The following PIP5K1B variants were observed in gnomAD, a reference collection of about 807,000 sequenced individuals.
PIP5K1B encodes the protein phosphatidylinositol-4-phosphate 5-kinase type 1 beta, also known as phosphatidylinositol 4-phosphate 5-kinase type-1 beta.
Under a neutral mutation model 67.0 loss-of-function variants are expected in PIP5K1B, and 42 were observed. The observed-to-expected ratio is 0.63, with a 90% CI of 0.49 to 0.81. The LOEUF (loss-of-function observed/expected upper bound fraction) is 0.81, where lower values mean the gene tolerates loss of function less well. Ranked by LOEUF, PIP5K1B falls within the 30% of genes least tolerant of loss-of-function variation. The pLI is 0.00. For synonymous variants in PIP5K1B, 214 were observed against 231.4 expected (o/e 0.92, Z 0.68); for missense variants, 459 against 646.3 (o/e 0.71, Z 3.14).
At chr9:68,957,644 G>C (rs1828471229) in intron 14 of PIP5K1B, among the ~76,000 whole-genome samples, 1 of 152,188 alleles carries the variant, frequency 6.6e-6, no homozygotes. Context: ...AATGGTAAAA[G>C]ACTGGTGAAA....
At chr9:68,904,173 CA>C (rs1825499711) in intron 8 of PIP5K1B, among the ~76,000 whole-genome samples, 1 of 152,208 alleles carries the variant, frequency 6.6e-6, no homozygotes, top group South Asian at 2.1e-4. Flanking sequence ...TCTCTGACTC[CA>C]AACCCATGTT....
intron 4 of PIP5K1B, among the ~76,000 whole-genome samples, chr9:68,862,771 G>A (rs1042480192): frequency 2.0e-5 from 3 of 151,168 alleles, no homozygotes; most frequent in Non-Finnish European, 4.4e-5. Context: ...CAGCCTGGGC[G>A]ACAGAGTAAG....
intron 14 of PIP5K1B, among the ~76,000 whole-genome samples, chr9:68,960,976 C>A (rs1047652354): frequency 2.0e-5 from 3 of 151,284 alleles, no homozygotes; most frequent in Non-Finnish European, 4.4e-5. Context: ...TTTGGGAGGC[C>A]GAGGCGGGTG....
intron 2 of PIP5K1B, chr9:68,789,760 AC>A (rs1240280648): frequency 4.3e-6 from 1 of 232,914 alleles, no homozygotes; most frequent in Non-Finnish European, 8.4e-6. Context: ...ATCTTTCAAG[AC>A]CAGGCTCAGT....
chr9:68,827,603 G>C (rs924281217), intron 4 of PIP5K1B, among the ~76,000 whole-genome samples: 2 of 152,302 alleles, frequency 1.3e-5, no homozygotes, highest in Non-Finnish European at 2.9e-5. Flanking sequence ...AGTTGTACAG[G>C]GTTGAGGGAG....
chr9:68,928,319 G>T (rs1439686149), intron 12 of PIP5K1B, among the ~76,000 whole-genome samples: 2 of 152,078 alleles, frequency 1.3e-5, no homozygotes, highest in Non-Finnish European at 2.9e-5. Context: ...TAATCAGTTT[G>T]TTAATTTCTG....
intron 11 of PIP5K1B, among the ~76,000 whole-genome samples, chr9:68,920,564 C>T (rs183794328): frequency 1.7e-3 from 254 of 151,784 alleles, no homozygotes; most frequent in African/African-American, 5.9e-3. Context: ...GACAGGATTT[C>T]GCCATGTTGG....
At chr9:68,937,512 G>A (rs1192740072) in intron 13 of PIP5K1B, among the ~76,000 whole-genome samples, 2 of 151,898 alleles carry the variant, frequency 1.3e-5, no homozygotes, top group Non-Finnish European at 2.9e-5. Context: ...TTATTAGTCT[G>A]GCTAGAGGTC....
rs904666930 is a variant in PIP5K1B, at chr9:69,008,297, A to T, written c.1621-150A>T. The T allele has an allele frequency of 6.9e-6, 5 of 726,792 alleles. No homozygotes were observed. The African/African-American group carries it at 6.9e-5, about 10-fold the overall frequency. 45.0% of individuals were successfully genotyped at this position (726,792 alleles called of 1,614,324 possible). A position where few individuals can be genotyped will look rare whatever the true frequency, so the allele number is the denominator to read the frequency against. ...CACCAAAGAAGTATATGCTATGCTG[A>T]TCATTGCAGAAGAATCCCAAACATA... On this transcript the variant is annotated intron_variant, in intron 15 of 15. Transcript: ENST00000265382.
At chr9:68,917,030 A>G (rs1826136461) in intron 8 of PIP5K1B, among the ~76,000 whole-genome samples, 1 of 152,184 alleles carries the variant, frequency 6.6e-6, no homozygotes. Context: ...CAAACTTACA[A>G]GCTTGTAGAG....
At chr9:68,747,155 T>A (rs1014202519) in intron 2 of PIP5K1B, among the ~76,000 whole-genome samples, 6 of 151,046 alleles carry the variant, frequency 4.0e-5, no homozygotes, top group Non-Finnish European at 1.5e-5. Context: ...CCTTAACAAG[T>A]TTTACTCCGT....
intron 2 of PIP5K1B, among the ~76,000 whole-genome samples, chr9:68,813,660 C>G (rs962863539): frequency 6.6e-6 from 1 of 152,136 alleles, no homozygotes; most frequent in Non-Finnish European, 1.5e-5. Context: ...TGAGGGTGAG[C>G]TCTAACCTAG....
chr9:68,854,677 G>A (rs1033078289), intron 4 of PIP5K1B, among the ~76,000 whole-genome samples: 1 of 152,152 alleles, frequency 6.6e-6, no homozygotes, highest in Non-Finnish European at 1.5e-5. Context: ...GCCTCAAAAT[G>A]TATTTTAAAA....
intron 2 of PIP5K1B, among the ~76,000 whole-genome samples, chr9:68,759,146 A>G (rs941529875): frequency 1.3e-5 from 2 of 152,164 alleles, no homozygotes; most frequent in Non-Finnish European, 2.9e-5. Flanking sequence ...AACATCTGGA[A>G]TGAAGGCAGA....
intron 6 of PIP5K1B, among the ~76,000 whole-genome samples, chr9:68,880,527 C>G (rs1346289636): frequency 6.6e-6 from 1 of 151,462 alleles, no homozygotes; most frequent in Admixed American, 6.6e-5. Context: ...TGCACTCCAG[C>G]CTGGGCGGCA....
chr9:68,833,749 G>C (rs1834446533), intron 4 of PIP5K1B, among the ~76,000 whole-genome samples: 1 of 152,230 alleles, frequency 6.6e-6, no homozygotes, highest in African/African-American at 2.4e-5. Flanking sequence ...GTTGGATGTG[G>C]GGGTGAGGGC....
At chr9:68,841,260 C>A (rs533387551) in intron 4 of PIP5K1B, among the ~76,000 whole-genome samples, 3 of 152,336 alleles carry the variant, frequency 2.0e-5, no homozygotes, top group African/African-American at 7.2e-5. Flanking sequence ...CTACTGTTAA[C>A]ATGAAGCAAT....
intron 5 of PIP5K1B, among the ~76,000 whole-genome samples, chr9:68,873,196 G>A (rs1399051493): frequency 2.6e-5 from 4 of 151,130 alleles, no homozygotes; most frequent in East Asian, 1.9e-4. Flanking sequence ...ATGAGGTTAA[G>A]CATCTTATGT....
intron 4 of PIP5K1B, among the ~76,000 whole-genome samples, chr9:68,855,576 A>G (rs563199962): frequency 1.3e-5 from 2 of 152,300 alleles, no homozygotes; most frequent in Admixed American, 6.5e-5. Flanking sequence ...GCTGAAGGAA[A>G]ATGCCAGGAG....
Sources: gnomAD v4.1 joint callset for allele counts (sites outside exome capture counted in the v4.1 genomes callset) on GRCh38, gnomAD v4.1.1 for gene constraint, MANE v1.5 for transcripts, NCBI Gene and HGNC (gene_info 2026-07-23, HGNC 2026-07-21) for gene names.